Variants in SPATA6L observed in about 807,000 individuals in gnomAD.
SPATA6L encodes the protein spermatogenesis associated 6 like.
A neutral mutation model predicts 49.2 loss-of-function variants in SPATA6L; 68 were observed. The observed-to-expected ratio is 1.38, with a 90% CI of 1.14 to 1.69. The LOEUF (loss-of-function observed/expected upper bound fraction) is 1.69, where lower values mean the gene tolerates loss of function less well. SPATA6L is among the 40% of genes most tolerant of loss of function. The pLI, the probability that SPATA6L is intolerant of heterozygous loss-of-function variation, is 0.00. For missense variants in SPATA6L, 668 were observed against 464.3 expected (o/e 1.44, Z -4.03); for synonymous variants, 198 against 165.7 (o/e 1.19, Z -1.50).
intron 2 of SPATA6L, among the ~76,000 whole-genome samples, chr9:4,656,500 GGA>G (rs1838257181): frequency 1.5e-5 from 2 of 131,022 alleles, no homozygotes; most frequent in South Asian, 2.3e-4. Context: ...AAGGAAGGAA[GGA>G]AGGGAGGAGC....
intron 9 of SPATA6L, among the ~76,000 whole-genome samples, chr9:4,607,697 A>C (rs1825650779): frequency 6.6e-6 from 1 of 152,210 alleles, no homozygotes; most frequent in Non-Finnish European, 1.5e-5. Flanking sequence ...ATCATGCCAA[A>C]ATGTAAAGAC....
Position 4,607,327 on chromosome 9 carries a change from C to T in SPATA6L, c.996-1887G>A, listed in dbSNP as rs1042592439. Reference sequence around the variant, plus strand: ...AGATACTCCTCGAGAAGAGCAACTCCAACACACATAATTGTCAGATTCACC... The same window carrying T: ...AGATACTCCTCGAGAAGAGCAACTCTAACACACATAATTGTCAGATTCACC... On this transcript the variant is annotated intron_variant, in intron 9 of 11. Coordinates refer to ENST00000682582, the MANE Select transcript of SPATA6L (RefSeq NM_001353486.2). 2.6e-3 allele frequency among the ~76,000 whole-genome samples: 393 copies of T among 152,058 alleles called. 3 individuals are homozygous for T. The highest frequency in any genetic ancestry group is 8.8e-3 in the African/African-American group (363 of 41,466).
rs112181012 is a variant in SPATA6L, at chr9:4,635,384, G to A, written c.242C>T (p.Ala81Val). ...VDLLEMWDEL[A>V]YYEENTRDFL... is the part of the protein sequence containing the mutation. ...ATCTCGTGTGTTTTCTTCGTAGTAG[G>A]CCAACTCATCCCACACTAGAAAGAA... Residue 81 changes from alanine to valine, a missense_variant, in exon 4 of 12, where the codon GCC becomes GTC. Transcript: ENST00000682582. 1.3e-6 allele frequency: 2 copies of A among 1,586,826 alleles called. No individual in the cohort carries two copies. Among genetic ancestry groups the A allele is most frequent in the African/African-American group, 2.7e-5 (2 of 72,756 alleles).
chr9:4,654,227 G>C (rs982186600), intron 3 of SPATA6L, among the ~76,000 whole-genome samples: 1 of 152,190 alleles, frequency 6.6e-6, no homozygotes, highest in Non-Finnish European at 1.5e-5. Flanking sequence ...AGCTGCTTTG[G>C]TAAATAATGT....
chr9:4,605,332 A>T lies in SPATA6L; in HGVS notation c.1089+15T>A. On this transcript the variant is annotated intron_variant, in intron 10 of 11. Transcript: ENST00000682582. ...ATTTAGTGAGCAAAGATCTAGTTTT[A>T]TAAGAAAGTCTAACCTTGTTTTGGT... 1 of 1,601,476 alleles carries T rather than the reference A, an allele frequency of 6.2e-7. No individual in the cohort carries two copies. Among genetic ancestry groups the T allele is most frequent in the Non-Finnish European group, 8.6e-7 (1 of 1,168,498 alleles).
chr9:4,612,524 G>A (rs1349512158), intron 9 of SPATA6L, among the ~76,000 whole-genome samples: 1 of 152,204 alleles, frequency 6.6e-6, no homozygotes, highest in Non-Finnish European at 1.5e-5. Context: ...TCTCAGCAAA[G>A]TCCTTTCTGA....
In SPATA6L at chr9:4,662,688, TC is replaced by T. The variant is rs1277280049; in HGVS notation, c.40-653del. On this transcript the variant is annotated intron_variant, in intron 1 of 11. Transcript: ENST00000682582. The surrounding 1 kb of genome is among the most constrained non-coding windows in gnomAD (Gnocchi z 4.9). ...GTCCTTCCTGGGCATCGCCCTGCGCTCCCTGCTGGCCATCGACCTGTGGCTG... is the reference window on the plus strand; with the variant it reads ...GTCCTTCCTGGGCATCGCCCTGCGCTCCTGCTGGCCATCGACCTGTGGCTG... The T allele has an allele frequency of 5.0e-6, 8 of 1,600,782 alleles. No homozygotes were observed.
intron 3 of SPATA6L, among the ~76,000 whole-genome samples, chr9:4,637,336 G>T (rs1833008164): frequency 6.6e-6 from 1 of 152,034 alleles, no homozygotes; most frequent in Non-Finnish European, 1.5e-5. Context: ...TCAGAAGGTG[G>T]CAACCCAACC....
At chr9:4,663,113 G>A (rs373338690) in intron 1 of SPATA6L, 1 of 1,613,950 alleles carries the variant, frequency 6.2e-7, no homozygotes, top group African/African-American at 1.3e-5. Flanking sequence ...CCTTCGTCTT[G>A]GGCCTATCCA....
chr9:4,610,794 A>C (rs201834855), intron 9 of SPATA6L, among the ~76,000 whole-genome samples: 8,828 of 152,150 alleles, frequency 0.058, 513 homozygotes, highest in East Asian at 0.31. Flanking sequence ...AAAATTGACA[A>C]ATGGGATCTA....
chr9:4,596,852 C>G (rs1354972433), downstream of SPATA6L, among the ~76,000 whole-genome samples: 3 of 152,152 alleles, frequency 2.0e-5, no homozygotes, highest in East Asian at 5.8e-4. Context: ...CAAGACAGAG[C>G]AGGGTTTGCA....
At chr9:4,627,061 G>C (rs1384936041) in intron 5 of SPATA6L, 1 of 151,570 alleles carries the variant, frequency 6.6e-6, no homozygotes, top group Non-Finnish European at 1.5e-5. Flanking sequence ...TGATACTTTT[G>C]TTTTAAGGGA....
chr9:4,661,045 T>C (rs1364624012), intron 2 of SPATA6L, among the ~76,000 whole-genome samples: 1 of 151,968 alleles, frequency 6.6e-6, no homozygotes, highest in Non-Finnish European at 1.5e-5. Flanking sequence ...GTGGGGGGAA[T>C]GAGTTAATGG....
chr9:4,662,336 T>A lies in SPATA6L; in HGVS notation c.40-300A>T. Reference sequence around the variant, plus strand: ...GGCTGCAGGGCCGGGAAGCCTCTGTTTGGTCCGGCCAGGTCCCGGGATCCG... The same window carrying A: ...GGCTGCAGGGCCGGGAAGCCTCTGTATGGTCCGGCCAGGTCCCGGGATCCG... On this transcript the variant is annotated intron_variant, in intron 1 of 11. Coordinates refer to ENST00000682582, the MANE Select transcript of SPATA6L (RefSeq NM_001353486.2). The surrounding 1 kb of genome is among the most constrained non-coding windows in gnomAD (Gnocchi z 4.9). 6.8e-7 allele frequency: 1 copy of A among 1,464,144 alleles called. No individual in the cohort carries two copies. Among genetic ancestry groups the A allele is most frequent in the South Asian group, 1.4e-5 (1 of 72,552 alleles). The allele number at this position is 1,464,144 out of a possible 1,614,324, so 90.7% of individuals were successfully genotyped here.
rs373864724 is a variant in SPATA6L, at chr9:4,625,577, C to G, written c.430-11G>C. On this transcript the variant is annotated splice_polypyrimidine_tract_variant and intron_variant, in intron 5 of 11. Coordinates refer to ENST00000682582, the MANE Select transcript of SPATA6L (RefSeq NM_001353486.2). ...CTCATGTCTTTCTTCCTGAAATAAACAAAAAAAGAATATTTTTTAAAATAA... is the reference window on the plus strand; with the variant it reads ...CTCATGTCTTTCTTCCTGAAATAAAGAAAAAAAGAATATTTTTTAAAATAA... 2.8e-6 allele frequency: 4 copies of G among 1,452,758 alleles called. No homozygotes were observed. In the South Asian group the frequency reaches 6.0e-5, roughly 22 times the overall value. The allele number at this position is 1,452,758 out of a possible 1,614,324, so 90.0% of individuals were successfully genotyped here.
At chr9:4,605,535 T>C in intron 9 of SPATA6L, 95 bp from the exon 10 acceptor site, 1 of 815,014 alleles carries the variant, frequency 1.2e-6, no homozygotes, top group Non-Finnish European at 2.0e-6. Context: ...AAAACTTAAT[T>C]ATAATAAAAA....
intron 6 of SPATA6L, among the ~76,000 whole-genome samples, chr9:4,624,199 A>T (rs1419671494): frequency 6.6e-6 from 1 of 152,228 alleles, no homozygotes; most frequent in African/African-American, 2.4e-5. Flanking sequence ...GTTCACGTAG[A>T]CTACAAAATA....
At chr9:4,664,210 A>G (rs1200245956) in intron 1 of SPATA6L, 1 of 167,110 alleles carries the variant, frequency 6.0e-6, no homozygotes, top group Admixed American at 6.5e-5. Context: ...GACCAGTATG[A>G]CAGGAGATGG....
chr9:4,661,749 T>TCCAGCTGCGGTTTTGCTTCAAGG, intron 2 of SPATA6L, 150 bp downstream of exon 2: 1 of 799,950 alleles, frequency 1.3e-6, no homozygotes, highest in Non-Finnish European at 1.9e-6. Context: ...AAGCAAGTGT[T>TCCAGCTGCGGTTTTGCTTCAAGG]CCGACTGCGG....
Sources: allele counts gnomAD v4.1 joint callset (sites outside exome capture counted in the v4.1 genomes callset), GRCh38; gene constraint gnomAD v4.1.1; non-coding constraint Gnocchi (gnomAD v3.1); transcripts MANE v1.5; gene names NCBI Gene and HGNC (gene_info 2026-07-23, HGNC 2026-07-21).